OCIAD1: variants seen among roughly 807,000 people sequenced by gnomAD.
The protein encoded by OCIAD1 is OCIA domain-containing protein 1.
OCIAD1 carries 29 observed loss-of-function variants against 38.9 expected under a neutral mutation model. The observed-to-expected ratio is 0.74, with a 90% CI of 0.55 to 1.02. OCIAD1 has a LOEUF of 1.02. Ranked by LOEUF, OCIAD1 falls within the 50% of genes least tolerant of loss-of-function variation. OCIAD1 has a pLI of 0.00. For missense variants in OCIAD1, 288 were observed against 289.6 expected (o/e 0.99, Z 0.04); for synonymous variants, 110 against 92.0 (o/e 1.20, Z -1.12).
upstream of OCIAD1, among the ~76,000 whole-genome samples, chr4:48,827,910 C>T (rs1211568304): frequency 6.6e-6 from 1 of 152,176 alleles, no homozygotes; most frequent in African/African-American, 2.4e-5. Flanking sequence ...CACCAATCAG[C>T]ACTCTGTGTC....
intron 4 of OCIAD1, among the ~76,000 whole-genome samples, chr4:48,844,959 C>T (rs1190611670): frequency 6.6e-6 from 1 of 152,016 alleles, no homozygotes; most frequent in African/African-American, 2.4e-5. Flanking sequence ...AGTATAGATG[C>T]AGTTTTTTTT....
intron 3 of OCIAD1, among the ~76,000 whole-genome samples, chr4:48,839,805 C>T (rs1470576031): frequency 2.6e-5 from 4 of 152,006 alleles, no homozygotes; most frequent in African/African-American, 4.8e-5. Context: ...ATAATGTGCA[C>T]TAGGTTTTGG....
Position 48,833,489 on chromosome 4 carries a change from C to T in OCIAD1, c.139+8C>T. 6.6e-7 allele frequency: 1 copy of T among 1,515,188 alleles called. No individual in the cohort carries two copies. Among genetic ancestry groups the T allele is most frequent in the Admixed American group, 1.9e-5 (1 of 53,038 alleles). The allele number at this position is 1,515,188 out of a possible 1,614,324, so 93.9% of individuals were successfully genotyped here. A position where few individuals can be genotyped will look rare whatever the true frequency, so the allele number is the denominator to read the frequency against. ...AAAGCTTCTGGTTCAGATGTGAGTT[C>T]AATTTTCTAATTAATATAATTTGAT... On this transcript the variant is annotated splice_region_variant and intron_variant, in intron 3 of 8. Coordinates refer to ENST00000264312, the MANE Select transcript of OCIAD1 (RefSeq NM_017830.4).
At chr4:48,837,200 C>G (rs1210752896) in intron 3 of OCIAD1, 1 of 151,280 alleles carries the variant, frequency 6.6e-6, no homozygotes, top group African/African-American at 2.4e-5. Flanking sequence ...GTCTCCATCT[C>G]CTGACCTTGT....
Position 48,851,897 on chromosome 4 carries a change from C to G in OCIAD1, c.469C>G (p.Pro157Ala), listed in dbSNP as rs1779513231. The G allele has an allele frequency of 6.2e-7, 1 of 1,612,272 alleles. No homozygotes were observed. Among genetic ancestry groups the G allele is most frequent in the Admixed American group, 1.7e-5 (1 of 59,996 alleles). Reference protein sequence around the residue: ...SPAADNIEMLPHYEPIPFSSS... With the variant: ...SPAADNIEMLAHYEPIPFSSS... ...AGCAGCAGACAACATAGAAATGCTT[C>G]CTCATTATGAGCCAATTCCATTCAG... The change falls in exon 7 of 9, where the codon CCT becomes GCT. Residue 157 changes from proline to alanine, a missense_variant. Physicochemically the swap from Pro to Ala is conservative, Grantham distance 27. Coordinates refer to ENST00000264312, the MANE Select transcript of OCIAD1 (RefSeq NM_017830.4).
chr4:48,843,152 A>G (rs1416994265), intron 4 of OCIAD1, among the ~76,000 whole-genome samples: 1 of 152,236 alleles, frequency 6.6e-6, no homozygotes, highest in Non-Finnish European at 1.5e-5. Flanking sequence ...TTAAAAAATC[A>G]GAATCTCAGG....
upstream of OCIAD1, chr4:48,830,557 T>C (rs1777389737): frequency 2.0e-5 from 3 of 152,214 alleles, no homozygotes; most frequent in African/African-American, 4.8e-5. Flanking sequence ...AACAACCCTA[T>C]ATGTAATTCC....
At chr4:48,834,313 A>G (rs543818200) in intron 3 of OCIAD1, among the ~76,000 whole-genome samples, 184 of 152,312 alleles carry the variant, frequency 1.2e-3, no homozygotes, top group Non-Finnish European at 2.2e-3. Flanking sequence ...CTGGGATTAC[A>G]GGCATGTGCA....
At chr4:48,859,586 T>TC (rs1188287192) in intron 8 of OCIAD1, among the ~76,000 whole-genome samples, 53 of 152,292 alleles carry the variant, frequency 3.5e-4, no homozygotes, top group African/African-American at 1.2e-3. Context: ...ACTGAAGTCT[T>TC]CAAGTTCTGT....
At chr4:48,837,253 G>A (rs1174065577) in intron 3 of OCIAD1, 8 of 147,916 alleles carry the variant, frequency 5.4e-5, no homozygotes, top group Non-Finnish European at 7.4e-5. Context: ...GATTACAGAC[G>A]TAAGCCATCG....
chr4:48,811,164 T>C (rs2109487521), intron 1 of OCIAD1, among the ~76,000 whole-genome samples: 1 of 152,238 alleles, frequency 6.6e-6, no homozygotes, highest in South Asian at 2.1e-4. Flanking sequence ...GCCTGATCCC[T>C]TCTCATTAGA....
upstream of OCIAD1, among the ~76,000 whole-genome samples, chr4:48,830,029 T>C (rs1388460461): frequency 6.6e-6 from 1 of 152,178 alleles, no homozygotes; most frequent in Admixed American, 6.5e-5. Flanking sequence ...TCGTTAGAAT[T>C]GACAAAGCAG....
At chr4:48,842,407 A>G (rs961660924) in intron 3 of OCIAD1, among the ~76,000 whole-genome samples, 1 of 152,226 alleles carries the variant, frequency 6.6e-6, no homozygotes, top group African/African-American at 2.4e-5. Flanking sequence ...TAGATGGTTC[A>G]TGAATTATAT....
intron 4 of OCIAD1, among the ~76,000 whole-genome samples, chr4:48,845,058 C>T (rs549463131): frequency 1.3e-5 from 2 of 152,174 alleles, no homozygotes; most frequent in African/African-American, 2.4e-5. Context: ...GTGTGTCATA[C>T]TCCACGTGGT....
At chr4:48,841,303 A>G (rs1446826621) in intron 3 of OCIAD1, among the ~76,000 whole-genome samples, 2 of 152,236 alleles carry the variant, frequency 1.3e-5, no homozygotes, top group African/African-American at 4.8e-5. Flanking sequence ...TGTGGCAGCC[A>G]GTAGTCACAT....
intron 7 of OCIAD1, among the ~76,000 whole-genome samples, chr4:48,854,787 C>A (rs916356225): frequency 5.3e-5 from 8 of 152,338 alleles, no homozygotes; most frequent in African/African-American, 1.9e-4. Flanking sequence ...CAGATGCTAT[C>A]CTCCCCTACC....
At chr4:48,832,099 G>T (rs1464106860) in intron 1 of OCIAD1, among the ~76,000 whole-genome samples, 6 of 152,240 alleles carry the variant, frequency 3.9e-5, no homozygotes, top group Admixed American at 2.0e-4. Flanking sequence ...ACCTCACAGG[G>T]AGAAGGATAT....
intron 7 of OCIAD1, 96 bp downstream of exon 7, chr4:48,852,071 G>C: frequency 3.5e-6 from 3 of 845,574 alleles, no homozygotes; most frequent in Non-Finnish European, 5.5e-6. Context: ...TCACCTGTGT[G>C]TTCTACCATC....
chr4:48,823,560 AT>A (rs1777215766), intron 1 of OCIAD1, among the ~76,000 whole-genome samples: 1 of 150,226 alleles, frequency 6.7e-6, no homozygotes, highest in African/African-American at 2.5e-5. Flanking sequence ...TTAAAGTAAA[AT>A]AAAAAAAAAA....
Sources: allele counts gnomAD v4.1 joint callset (sites outside exome capture counted in the v4.1 genomes callset), GRCh38; gene constraint gnomAD v4.1.1; transcripts MANE v1.5; gene names NCBI Gene and HGNC (gene_info 2026-07-23, HGNC 2026-07-21).